The following IL16 variants were observed in gnomAD, a reference collection of about 807,000 sequenced individuals.
IL16 encodes pro-interleukin-16.
Under a neutral mutation model 110.1 loss-of-function variants are expected in IL16, and 67 were observed. That is an observed-to-expected ratio of 0.61 (90% CI 0.50 to 0.75). The LOEUF is 0.75. Among genes scored for constraint, IL16 ranks in the 30% least tolerant of loss-of-function variants. The probability of loss-of-function intolerance (pLI) is 0.00; values close to 1 mark genes in which losing one functional copy is unlikely to be tolerated. For missense variants in IL16, 1,545 were observed against 1,655.0 expected (o/e 0.93, Z 1.15); for synonymous variants, 689 against 662.9 (o/e 1.04, Z -0.61).
At chr15:81,271,967 G>A (rs920876034) in intron 5 of IL16, among the ~76,000 whole-genome samples, 4 of 152,210 alleles carry the variant, frequency 2.6e-5, no homozygotes, top group African/African-American at 9.6e-5. Flanking sequence ...CAATGGTTCT[G>A]TTACAGCAGT....
intron 2 of IL16, among the ~76,000 whole-genome samples, chr15:81,248,666 T>C (rs1385145617): frequency 6.7e-6 from 1 of 150,124 alleles, no homozygotes; most frequent in Non-Finnish European, 1.5e-5. Flanking sequence ...CCCTTTCTCC[T>C]CCTCTATTGA....
intron 2 of IL16, among the ~76,000 whole-genome samples, chr15:81,236,468 G>C (rs1267993296): frequency 6.6e-6 from 1 of 152,166 alleles, no homozygotes; most frequent in Non-Finnish European, 1.5e-5. Context: ...AGCAAGGAGG[G>C]GCTGCCCACA....
In IL16 at chr15:81,286,191, G is replaced by A. The variant is rs570255376; in HGVS notation, c.1332+361G>A. On this transcript the variant is annotated intron_variant, in intron 10 of 18. Coordinates refer to ENST00000683961, the MANE Select transcript of IL16 (RefSeq NM_172217.5). ...GTAGGTACTGAAGATACAGAGGCAA[G>A]TTCATAGCACACAGTCCTGCCCTGC... Among the ~76,000 whole-genome samples, 3 of 152,330 alleles carry A rather than the reference G, an allele frequency of 2.0e-5. No homozygotes were observed. The East Asian group carries it at 5.8e-4, about 29-fold the overall frequency.
intron 16 of IL16, among the ~76,000 whole-genome samples, chr15:81,304,587 A>G (rs1900456395): frequency 6.6e-6 from 1 of 152,182 alleles, no homozygotes; most frequent in South Asian, 2.1e-4. Context: ...CATGCTGAGC[A>G]CTCACTGACC....
chr15:81,248,947 C>G (rs1897670497), intron 2 of IL16, among the ~76,000 whole-genome samples: 1 of 151,966 alleles, frequency 6.6e-6, no homozygotes, highest in Non-Finnish European at 1.5e-5. Flanking sequence ...TCTTGAACTC[C>G]TGAGCTCAAG....
At chr15:81,306,190 A>AGCC (rs745789970) in intron 17 of IL16, 24 bp downstream of exon 17, 19 of 1,607,918 alleles carry the variant, frequency 1.2e-5, no homozygotes, top group Non-Finnish European at 1.4e-5. Context: ...ACTCAGTGGA[A>AGCC]GCCACATGGG....
At chr15:81,268,221 A>G (rs1217590914) in intron 4 of IL16, among the ~76,000 whole-genome samples, 1 of 152,216 alleles carries the variant, frequency 6.6e-6, no homozygotes, top group Non-Finnish European at 1.5e-5. Context: ...GCAAGCCAAC[A>G]AGAGAGAGGG....
chr15:81,201,163 G>T (rs1895798399), intron 1 of IL16, among the ~76,000 whole-genome samples: 1 of 152,108 alleles, frequency 6.6e-6, no homozygotes, highest in Admixed American at 6.6e-5. Context: ...CTCTGTGTGT[G>T]TGTGTGTGTA....
intron 1 of IL16, among the ~76,000 whole-genome samples, chr15:81,197,545 G>A (rs748684779): frequency 2.6e-5 from 4 of 152,110 alleles, no homozygotes; most frequent in Non-Finnish European, 5.9e-5. Context: ...GGCACCTGAT[G>A]GGGGCTTCTC....
chr15:81,306,824 A>C, intron 18 of IL16: 1 of 474,756 alleles, frequency 2.1e-6, no homozygotes, highest in Non-Finnish European at 3.9e-6. Context: ...AGAGTGGGGC[A>C]GTGAGGCACT....
chr15:81,284,361 T>C lies in IL16; in HGVS notation c.1200-1337T>C, dbSNP rs143940453. Reference sequence around the variant, plus strand: ...CTTATGATGCTGTCTCTCTGGAGCTTCTGAATTAGAAAGGGATTTGCTGTT... The same window carrying C: ...CTTATGATGCTGTCTCTCTGGAGCTCCTGAATTAGAAAGGGATTTGCTGTT... On this transcript the variant is annotated intron_variant, in intron 9 of 18. Transcript: ENST00000683961. Among the ~76,000 whole-genome samples the C allele has an allele frequency of 2.5e-3, 381 of 152,338 alleles. 2 individuals carry two copies. Among genetic ancestry groups the C allele is most frequent in the African/African-American group, 8.3e-3 (344 of 41,588 alleles).
At chr15:81,203,056 T>A (rs1895878752) in intron 1 of IL16, among the ~76,000 whole-genome samples, 1 of 152,106 alleles carries the variant, frequency 6.6e-6, no homozygotes, top group South Asian at 2.1e-4. Context: ...GGTTTTGATT[T>A]GCATTTCTCT....
In IL16 at chr15:81,282,746, G is replaced by A. The variant is rs928860169; in HGVS notation, c.1189G>A (p.Gly397Arg). The A allele has an allele frequency of 5.0e-6, 8 of 1,609,354 alleles. No individual in the cohort carries two copies. Among genetic ancestry groups the A allele is most frequent in the African/African-American group, 2.7e-5 (2 of 74,826 alleles). The change falls in exon 9 of 19, where the codon GGA becomes AGA. Residue 397 changes from glycine (G) to arginine (R), a missense_variant. By Grantham distance (125) the Gly-to-Arg change is moderately radical. Transcript: ENST00000683961. ...ACCAGGATCCGTGGCGCACCTGGAC[G>A]GACGTCTCCGGTATGTCCTCACTTC... ...LSPGSVAHLD[G>R]RLRCGDEIVE...
intron 7 of IL16, 42 bp from the exon 8 acceptor site, chr15:81,279,516 T>C (rs771540143): frequency 2.8e-6 from 4 of 1,434,032 alleles, no homozygotes; most frequent in Non-Finnish European, 3.9e-6. Flanking sequence ...CATCTCACCC[T>C]GGATTGCTGC....
At position 81,292,711 on chromosome 15, in the gene IL16, G is replaced by A. The variant is rs762522078; in HGVS notation, c.1576G>A (p.Gly526Arg). ...YMSGSPGGSP[G>R]SGSAEKPSSD... ...GTCTGGGTCCCCAGGGGGAAGTCCT[G>A]GGAGTGGCAGTGCTGAGAAGCCGTC... Residue 526 changes from glycine (G) to arginine (R), a missense_variant, in exon 12 of 19, where the codon GGG (glycine) becomes AGG (arginine). Physicochemically the swap from Gly to Arg is moderately radical, Grantham distance 125. This residue lies in a region of IL16 where 1,185 missense variants were observed against 1,238.8 expected (regional missense o/e 0.96). Transcript: ENST00000683961. 3.7e-6 allele frequency: 6 copies of A among 1,614,026 alleles called. No individual in the cohort carries two copies. The highest frequency in any genetic ancestry group is 1.7e-5 in the Admixed American group (1 of 60,000).
At chr15:81,247,702 T>C (rs1040832925) in intron 2 of IL16, among the ~76,000 whole-genome samples, 2 of 152,128 alleles carry the variant, frequency 1.3e-5, no homozygotes, top group African/African-American at 4.8e-5. Context: ...TCAGCGAAGA[T>C]ACCAAAGTGC....
At chr15:81,290,848 T>C (rs997386744) in intron 11 of IL16, among the ~76,000 whole-genome samples, 16 of 152,212 alleles carry the variant, frequency 1.1e-4, no homozygotes, top group Non-Finnish European at 1.9e-4. Context: ...ATTCACACAA[T>C]AGCCCCTGCA....
chr15:81,207,262 CAAAAA>C (rs1176735974), intron 1 of IL16, among the ~76,000 whole-genome samples: 7 of 136,252 alleles, frequency 5.1e-5, no homozygotes, highest in African/African-American at 2.0e-4. Context: ...AAAAAAAAAA[CAAAAA>C]AAAGAAAAGA....
upstream of IL16, among the ~76,000 whole-genome samples, chr15:81,196,398 C>A (rs892929267): frequency 6.6e-6 from 1 of 151,942 alleles, no homozygotes; most frequent in Non-Finnish European, 1.5e-5. Context: ...TGACTTTTTT[C>A]CTCTTTTTAT....
Sources: allele counts gnomAD v4.1 joint callset (sites outside exome capture counted in the v4.1 genomes callset), GRCh38; gene constraint gnomAD v4.1.1; regional missense constraint gnomAD v4.1.1; transcripts MANE v1.5; gene names NCBI Gene and HGNC (gene_info 2026-07-23, HGNC 2026-07-21).